Variants in SLC25A26 observed in about 807,000 individuals in gnomAD.
SLC25A26 encodes the protein mitochondrial S-adenosylmethionine carrier protein.
SLC25A26 carries 36 observed loss-of-function variants against 37.8 expected under a neutral mutation model. The ratio of observed to expected loss-of-function variants is 0.95; its 90% CI spans 0.73 to 1.26. The LOEUF (loss-of-function observed/expected upper bound fraction) is 1.26. Ranked by LOEUF, SLC25A26 falls within the 50% of genes most tolerant of loss-of-function variation. The pLI, the probability that SLC25A26 is intolerant of heterozygous loss-of-function variation, is 0.00. For missense variants in SLC25A26, 390 were observed against 331.1 expected, an observed-to-expected ratio of 1.18 and a Z score of -1.38; for synonymous variants, 129 against 122.5, an observed-to-expected ratio of 1.05 and a Z score of -0.35.
intron 1 of SLC25A26, among the ~76,000 whole-genome samples, chr3:66,150,982 C>A (rs142877645): frequency 0.022 from 3,315 of 151,970 alleles, 62 homozygotes; most frequent in Middle Eastern, 0.058. Flanking sequence ...TAGCACTGTG[C>A]TATGTACTTA....
intron 1 of SLC25A26, among the ~76,000 whole-genome samples, chr3:66,145,465 A>C (rs2070101397): frequency 6.6e-6 from 1 of 152,262 alleles, no homozygotes; most frequent in African/African-American, 2.4e-5. Flanking sequence ...GGTTTCAGCC[A>C]TGCAAGGGAG....
intron 6 of SLC25A26, among the ~76,000 whole-genome samples, chr3:66,361,580 A>G (rs758197397): frequency 3.3e-5 from 5 of 152,256 alleles, no homozygotes; most frequent in Admixed American, 6.5e-5. Flanking sequence ...AATGTGCAAC[A>G]TATTTGAACA....
At chr3:66,266,643 C>A (rs1010400075) in intron 5 of SLC25A26, among the ~76,000 whole-genome samples, 13 of 134,654 alleles carry the variant, frequency 9.7e-5, no homozygotes, top group Non-Finnish European at 1.5e-4. Context: ...CCCTTACATT[C>A]TCTGAAATTA....
At chr3:66,249,339 G>C (rs2072988341) in intron 3 of SLC25A26, among the ~76,000 whole-genome samples, 1 of 152,172 alleles carries the variant, frequency 6.6e-6, no homozygotes, top group South Asian at 2.1e-4. Flanking sequence ...GTCCATTCCA[G>C]GGTCTCCTTT....
intron 9 of SLC25A26, among the ~76,000 whole-genome samples, chr3:66,373,574 G>A (rs1700469659): frequency 6.6e-6 from 1 of 152,112 alleles, no homozygotes; most frequent in Non-Finnish European, 1.5e-5. Flanking sequence ...TCTTTCCTTC[G>A]TAAGGTAGGA....
intron 5 of SLC25A26, among the ~76,000 whole-genome samples, chr3:66,282,659 T>C (rs577908563): frequency 6.6e-6 from 1 of 152,334 alleles, no homozygotes; most frequent in East Asian, 1.9e-4. Context: ...CTTTCCCATT[T>C]CATATATTTA....
At chr3:66,249,248 G>A (rs2107172965) in intron 3 of SLC25A26, among the ~76,000 whole-genome samples, 1 of 147,900 alleles carries the variant, frequency 6.8e-6, no homozygotes, top group East Asian at 2.0e-4. Context: ...CTGTCATAGA[G>A]CCTCGTAGGC....
At chr3:66,144,544 A>G (rs1467878131) in intron 1 of SLC25A26, among the ~76,000 whole-genome samples, 1 of 152,204 alleles carries the variant, frequency 6.6e-6, no homozygotes, top group African/African-American at 2.4e-5. Context: ...GCTGAGGATT[A>G]GCTGGTTGTG....
intron 6 of SLC25A26, among the ~76,000 whole-genome samples, chr3:66,359,474 C>A (rs573704436): frequency 6.6e-6 from 1 of 152,300 alleles, no homozygotes; most frequent in African/African-American, 2.4e-5. Flanking sequence ...TTATTACCAG[C>A]ATTTCAAGTC....
At chr3:66,149,005 C>T (rs976642136) in intron 1 of SLC25A26, among the ~76,000 whole-genome samples, 2 of 152,174 alleles carry the variant, frequency 1.3e-5, no homozygotes, top group Non-Finnish European at 2.9e-5. Context: ...TTCTGGGGAA[C>T]CTTCTCTCCC....
chr3:66,199,254 G>A (rs900654204), intron 1 of SLC25A26, among the ~76,000 whole-genome samples: 94 of 151,684 alleles, frequency 6.2e-4, no homozygotes, highest in Non-Finnish European at 1.2e-3. Flanking sequence ...CCTTTACCCT[G>A]ACCATGACCT....
chr3:66,238,489 TCTC>T (rs2072406805), intron 2 of SLC25A26, among the ~76,000 whole-genome samples: 2 of 152,168 alleles, frequency 1.3e-5, no homozygotes, highest in South Asian at 4.1e-4. Context: ...TTCAAGCAAT[TCTC>T]CTGCTTCAGC....
intron 1 of SLC25A26, among the ~76,000 whole-genome samples, chr3:66,232,973 A>G (rs931368138): frequency 2.6e-5 from 4 of 152,230 alleles, no homozygotes; most frequent in African/African-American, 9.6e-5. Context: ...GGTTCAAGTC[A>G]TGGGTGGCAA....
At chr3:66,217,635 A>T (rs1050097924), upstream of SLC25A26, among the ~76,000 whole-genome samples, 4 of 151,332 alleles carry the variant, frequency 2.6e-5, no homozygotes, top group Non-Finnish European at 5.9e-5. Context: ...CGCAACCTCC[A>T]CCGCTCGGGT....
intron 1 of SLC25A26, among the ~76,000 whole-genome samples, chr3:66,200,582 C>T (rs1460449531): frequency 6.6e-6 from 1 of 152,204 alleles, no homozygotes; most frequent in Non-Finnish European, 1.5e-5. Context: ...AATGACCATA[C>T]ACATATTAGC....
intron 6 of SLC25A26, among the ~76,000 whole-genome samples, chr3:66,347,370 A>G (rs1362401022): frequency 9.2e-5 from 14 of 152,242 alleles, no homozygotes; most frequent in Non-Finnish European, 2.1e-4. Context: ...AACATATGAG[A>G]AAAAGCTCAA....
chr3:66,210,531 T>TCACTC (rs1361317879), intron 1 of SLC25A26, among the ~76,000 whole-genome samples: 1 of 151,996 alleles, frequency 6.6e-6, no homozygotes, highest in Non-Finnish European at 1.5e-5. Context: ...TTTTTTTTTC[T>TCACTC]TGAGATGGGG....
chr3:66,377,961 C>G lies in SLC25A26; in HGVS notation c.*154C>G. 1 of 624,998 alleles carries G rather than the reference C, an allele frequency of 1.6e-6. No individual in the cohort carries two copies. Among genetic ancestry groups the G allele is most frequent in the Non-Finnish European group, 2.8e-6 (1 of 356,658 alleles). 38.7% of individuals were successfully genotyped at this position (624,998 alleles called of 1,614,324 possible). ...GAGATTGTGCCATCCGTGGTATAGG[C>G]TGGCTGGTATGAAGTCATTGGCCTG... On this transcript the variant is annotated 3_prime_UTR_variant, in exon 10 of 10. Coordinates refer to ENST00000354883, the MANE Select transcript of SLC25A26 (RefSeq NM_001379210.1).
chr3:66,215,122 A>AAAAC (rs1210967936), intron 1 of SLC25A26, among the ~76,000 whole-genome samples: 1 of 152,208 alleles, frequency 6.6e-6, no homozygotes, highest in Non-Finnish European at 1.5e-5. Flanking sequence ...CTCTGTCTCA[A>AAAAC]AAACAAACAA....
Sources: allele counts gnomAD v4.1 joint callset (sites outside exome capture counted in the v4.1 genomes callset), GRCh38; gene constraint gnomAD v4.1.1; transcripts MANE v1.5; gene names NCBI Gene and HGNC (gene_info 2026-07-23, HGNC 2026-07-21).